Variants in DNAH14 observed in about 807,000 individuals in gnomAD.
The protein encoded by DNAH14 is dynein axonemal heavy chain 14, also known as axonemal beta dynein heavy chain 14.
DNAH14 carries 478 observed loss-of-function variants against 520.9 expected under a neutral mutation model. The observed-to-expected ratio is 0.92, with a 90% CI of 0.85 to 0.99. DNAH14 has a LOEUF of 0.99. Ranked by LOEUF, DNAH14 falls within the 50% of genes least tolerant of loss-of-function variation. DNAH14 has a pLI of 0.00. For missense variants in DNAH14, 4,831 were observed against 5,234.5 expected, an observed-to-expected ratio of 0.92 and a Z score of 2.38; for synonymous variants, 1,581 against 1,757.2, an observed-to-expected ratio of 0.90 and a Z score of 2.51.
At chr1:225,373,017 A>G (rs1558555261) in intron 77 of DNAH14, among the ~76,000 whole-genome samples, 1 of 152,164 alleles carries the variant, frequency 6.6e-6, no homozygotes, top group Non-Finnish European at 1.5e-5. Context: ...TAAATAAACC[A>G]ACATTTCCTG....
rs949481790 is a variant in DNAH14, at chr1:224,978,768, A to G, written c.830+4615A>G. Among the ~76,000 whole-genome samples the G allele has an allele frequency of 5.9e-5, 9 of 152,116 alleles. No homozygotes were observed. The South Asian group carries it at 1.9e-3, about 32-fold the overall frequency. On this transcript the variant is annotated intron_variant, in intron 8 of 85. Coordinates refer to ENST00000682510, the MANE Select transcript of DNAH14 (RefSeq NM_001367479.1). ...GTTCTCCCACCTCAGCCTCCTGAAT[A>G]CCTGGGGCTACAGGCATGCACCACC...
Position 224,990,294 on chromosome 1 carries a change from C to A in DNAH14, c.831-12489C>A, listed in dbSNP as rs76721947. Among the ~76,000 whole-genome samples, 200 of 152,182 alleles carry A rather than the reference C, an allele frequency of 1.3e-3. 1 individual carries two copies. The highest frequency in any genetic ancestry group is 4.4e-3 in the African/African-American group (181 of 41,520). On this transcript the variant is annotated intron_variant, in intron 8 of 85. Transcript: ENST00000682510. ...TCAAGCTAGTTAACATATTTATCAC[C>A]TCAAACACTTATATTTTTGGGTGAA...
At chr1:225,313,084 T>A (rs2094400732) in intron 60 of DNAH14, among the ~76,000 whole-genome samples, 1 of 152,218 alleles carries the variant, frequency 6.6e-6, no homozygotes. Flanking sequence ...GGCTGTTTTT[T>A]CAGTTGGTAG....
chr1:225,230,945 G>A lies in DNAH14; in HGVS notation c.6440-128G>A, dbSNP rs903658914. 12 of 605,430 alleles carry A rather than the reference G, an allele frequency of 2.0e-5. No individual in the cohort carries two copies. The South Asian group carries it at 3.0e-4, about 15-fold the overall frequency. 37.5% of individuals were successfully genotyped at this position (605,430 alleles called of 1,614,324 possible). A position where few individuals can be genotyped will look rare whatever the true frequency, so the allele number is the denominator to read the frequency against. On this transcript the variant is annotated intron_variant, in intron 41 of 85. Transcript: ENST00000682510. Reference sequence around the variant, plus strand: ...TTTGATAAGTTAATTCTCAGATACTGTATGTTAAATAAAGATATTCTATGA... The same window carrying A: ...TTTGATAAGTTAATTCTCAGATACTATATGTTAAATAAAGATATTCTATGA...
intron 42 of DNAH14, among the ~76,000 whole-genome samples, chr1:225,237,081 G>C (rs1455476799): frequency 1.3e-5 from 2 of 152,012 alleles, no homozygotes; most frequent in East Asian, 3.9e-4. Context: ...TTCAGCCTAT[G>C]TGTGTCTTTG....
At position 225,204,229 on chromosome 1, in the gene DNAH14, T is replaced by C. The variant is rs1268155224; in HGVS notation, c.5933T>C (p.Ile1978Thr). The part of the protein sequence containing the change: ...SSDTTETDDN[I>T]FEEIEKVVKI... ...GATACAACAGAGACTGATGATAATA[T>C]TTTTGAGGAGATAGAGAAAGTTGTT... is the stretch of plus-strand genomic sequence containing the variant. The change falls in exon 39 of 86, where the codon ATT (isoleucine) becomes ACT (threonine). Residue 1978 changes from isoleucine (I) to threonine (T), a missense_variant. Physicochemically the swap from Ile to Thr is moderately conservative, Grantham distance 89. Transcript: ENST00000682510. 6.7e-7 allele frequency: 1 copy of C among 1,492,396 alleles called. No individual in the cohort carries two copies. The highest frequency in any genetic ancestry group is 2.7e-5 in the East Asian group (1 of 37,308). 92.4% of individuals were successfully genotyped at this position (1,492,396 alleles called of 1,614,324 possible). A position where few individuals can be genotyped will look rare whatever the true frequency, so the allele number is the denominator to read the frequency against.
At chr1:225,250,785 A>G (rs1283038682) in intron 43 of DNAH14, 5 of 457,020 alleles carry the variant, frequency 1.1e-5, no homozygotes, top group Non-Finnish European at 2.0e-5. Flanking sequence ...GCTAGTTTGA[A>G]TAATTTCAGC....
At chr1:224,930,983 T>A (rs963316519) in intron 1 of DNAH14, among the ~76,000 whole-genome samples, 4 of 152,204 alleles carry the variant, frequency 2.6e-5, no homozygotes, top group African/African-American at 9.7e-5. Context: ...AGGCTGGTCC[T>A]TTAGGAGATA....
chr1:225,264,077 A>C, intron 46 of DNAH14, 120 bp from the exon 47 acceptor site: 2 of 802,028 alleles, frequency 2.5e-6, no homozygotes, highest in East Asian at 2.8e-5. Context: ...ACAGAAAAAA[A>C]ATTTTTCTTG....
At chr1:225,161,253 A>T (rs1191807661) in intron 35 of DNAH14, among the ~76,000 whole-genome samples, 1 of 152,188 alleles carries the variant, frequency 6.6e-6, no homozygotes, top group East Asian at 1.9e-4. Context: ...GGTTGCACAG[A>T]TAAGTGAGAG....
At chr1:225,322,971 C>T in intron 62 of DNAH14, 148 bp downstream of exon 62, 1 of 888,052 alleles carries the variant, frequency 1.1e-6, no homozygotes, top group Non-Finnish European at 1.6e-6. Flanking sequence ...AGAGGAGTTG[C>T]CTAGTTGGAT....
chr1:225,351,086 C>T (rs1349912719), intron 71 of DNAH14, among the ~76,000 whole-genome samples: 1 of 152,148 alleles, frequency 6.6e-6, no homozygotes, highest in Non-Finnish European at 1.5e-5. Flanking sequence ...ATATATTTAA[C>T]ACTACTGAAC....
At chr1:225,235,339 A>G (rs1367814334) in intron 42 of DNAH14, among the ~76,000 whole-genome samples, 1 of 152,218 alleles carries the variant, frequency 6.6e-6, no homozygotes, top group Non-Finnish European at 1.5e-5. Flanking sequence ...GCGATGAATT[A>G]CATTTATTGA....
intron 41 of DNAH14, among the ~76,000 whole-genome samples, chr1:225,218,070 A>G (rs10915805): frequency 0.31 from 47,811 of 151,964 alleles, 8,703 homozygotes; most frequent in East Asian, 0.61. Context: ...CTTCATAAGC[A>G]AAGGAGAAAC....
intron 55 of DNAH14, among the ~76,000 whole-genome samples, chr1:225,295,109 TC>T: frequency 6.6e-6 from 1 of 152,298 alleles, no homozygotes; most frequent in East Asian, 1.9e-4. Context: ...TGTGATGTAT[TC>T]TTTTTCACTT....
intron 76 of DNAH14, 120 bp from the exon 77 acceptor site, chr1:225,367,685 T>A (rs1293737759): frequency 7.1e-6 from 5 of 702,926 alleles, no homozygotes; most frequent in Non-Finnish European, 1.2e-5. Flanking sequence ...TGCCAGTGAA[T>A]CTTGAAAATA....
chr1:225,125,381 G>C (rs1230823613), intron 27 of DNAH14, among the ~76,000 whole-genome samples: 1 of 152,188 alleles, frequency 6.6e-6, no homozygotes, highest in Non-Finnish European at 1.5e-5. Context: ...CTGTTGTTCA[G>C]TGTATCCACT....
chr1:224,952,189 T>C (rs1368408324), intron 1 of DNAH14, among the ~76,000 whole-genome samples: 1 of 152,224 alleles, frequency 6.6e-6, no homozygotes, highest in Non-Finnish European at 1.5e-5. Flanking sequence ...TTTTTATATT[T>C]CATAACCCAC....
At position 224,953,256 on chromosome 1, in the gene DNAH14, G is replaced by A. The variant is rs2060293026; in HGVS notation, c.77+477G>A. On this transcript the variant is annotated intron_variant, in intron 2 of 85. Coordinates refer to ENST00000682510, the MANE Select transcript of DNAH14 (RefSeq NM_001367479.1). ...TCCAACCTCAGCCCCCCGAGTAGCT[G>A]GGGTTACAGGTGCCCACTACCACAC... Among the ~76,000 whole-genome samples, 3 of 151,890 alleles carry A rather than the reference G, an allele frequency of 2.0e-5. No individual in the cohort carries two copies. In the South Asian group the frequency reaches 6.3e-4, roughly 32 times the overall value.
Sources: allele counts gnomAD v4.1 joint callset (sites outside exome capture counted in the v4.1 genomes callset), GRCh38; gene constraint gnomAD v4.1.1; transcripts MANE v1.5; gene names NCBI Gene and HGNC (gene_info 2026-07-23, HGNC 2026-07-21).